SUSD1: variants seen among roughly 807,000 people sequenced by gnomAD.
SUSD1 encodes sushi domain containing 1, also known as sushi domain-containing protein 1.
A neutral mutation model predicts 86.9 loss-of-function variants in SUSD1; 65 were observed. That is an observed-to-expected ratio of 0.75 (90% CI 0.61 to 0.92). The LOEUF is 0.92. Ranked by LOEUF, SUSD1 falls within the 40% of genes least tolerant of loss-of-function variation. The pLI is 0.00. For missense variants in SUSD1, 850 were observed against 929.7 expected (o/e 0.91, Z 1.11); for synonymous variants, 346 against 350.0 (o/e 0.99, Z 0.13).
intron 10 of SUSD1, among the ~76,000 whole-genome samples, chr9:112,080,376 G>A (rs1326658457): frequency 6.6e-6 from 1 of 152,018 alleles, no homozygotes; most frequent in Non-Finnish European, 1.5e-5. Context: ...ATACCTAATC[G>A]GAGGACCCCT....
intron 5 of SUSD1, among the ~76,000 whole-genome samples, chr9:112,124,794 C>A (rs1266851373): frequency 6.6e-6 from 1 of 152,128 alleles, no homozygotes; most frequent in Non-Finnish European, 1.5e-5. Context: ...TTATTGCCAA[C>A]TGACTGTTAA....
At chr9:112,170,572 A>C (rs1365217229) in intron 1 of SUSD1, among the ~76,000 whole-genome samples, 1 of 152,006 alleles carries the variant, frequency 6.6e-6, no homozygotes, top group East Asian at 1.9e-4. Flanking sequence ...CACTCAGGTC[A>C]TCTGACTTCA....
intron 1 of SUSD1, among the ~76,000 whole-genome samples, chr9:112,161,071 T>C (rs998480088): frequency 1.3e-5 from 2 of 152,158 alleles, no homozygotes; most frequent in Non-Finnish European, 2.9e-5. Flanking sequence ...GATCAGTACA[T>C]TGTCAATTCA....
intron 12 of SUSD1, among the ~76,000 whole-genome samples, chr9:112,072,641 G>C (rs1031498190): frequency 2.0e-5 from 3 of 152,172 alleles, no homozygotes; most frequent in Non-Finnish European, 4.4e-5. Context: ...GAGGGTCTGG[G>C]AGACACCCAT....
At chr9:112,109,973 A>G (rs1021325203) in intron 8 of SUSD1, among the ~76,000 whole-genome samples, 2 of 152,210 alleles carry the variant, frequency 1.3e-5, no homozygotes, top group African/African-American at 4.8e-5. Flanking sequence ...CTGCTGAACT[A>G]TTCCCAGCTA....
In SUSD1 at chr9:112,111,850, G is replaced by A. The variant is rs375861501; in HGVS notation, c.985-10C>T. On this transcript the variant is annotated splice_polypyrimidine_tract_variant and intron_variant, in intron 7 of 16. Coordinates refer to ENST00000374270, the MANE Select transcript of SUSD1 (RefSeq NM_022486.5). ...GTCCTTTTATGGATATCTTTGAGAG[G>A]AAAAGACAAGAGAACCCACTCTGAC... 1.9e-6 allele frequency: 3 copies of A among 1,612,754 alleles called. No individual in the cohort carries two copies. The South Asian group carries it at 3.3e-5, about 18-fold the overall frequency.
chr9:112,141,419 G>A (rs754622698), intron 5 of SUSD1, among the ~76,000 whole-genome samples: 1 of 152,168 alleles, frequency 6.6e-6, no homozygotes, highest in Non-Finnish European at 1.5e-5. Flanking sequence ...GCTCACACCT[G>A]TAATCCCAGC....
At chr9:112,099,412 G>C (rs1016417310) in intron 9 of SUSD1, among the ~76,000 whole-genome samples, 23 of 151,874 alleles carry the variant, frequency 1.5e-4, no homozygotes, top group Non-Finnish European at 3.4e-4. Context: ...ACTTAAACTA[G>C]GTGGGTTCCT....
rs59022005 is a variant in SUSD1 at position 112,134,946 on chromosome 9, A to T, written c.706+7374T>A. Among the ~76,000 whole-genome samples the T allele has an allele frequency of 3.1e-3, 465 of 152,006 alleles. 11 individuals carry two copies. In the East Asian group the frequency reaches 0.066, roughly 22 times the overall value. ...GCCAGGTGTGAGGCAGGCGCCTGTA[A>T]TCCCAGCTACTCGGGAGGCTGAGGC... On this transcript the variant is annotated intron_variant, in intron 5 of 16. Transcript: ENST00000374270.
At chr9:112,110,727 A>G (rs1284523299) in intron 8 of SUSD1, among the ~76,000 whole-genome samples, 1 of 151,036 alleles carries the variant, frequency 6.6e-6, no homozygotes, top group Non-Finnish European at 1.5e-5. Flanking sequence ...CATACCCATA[A>G]CCAGAGCTTT....
intron 14 of SUSD1, among the ~76,000 whole-genome samples, chr9:112,056,558 G>A (rs207470496): frequency 3.9e-5 from 6 of 152,108 alleles, no homozygotes; most frequent in South Asian, 2.1e-4. Context: ...GAAAGTCATC[G>A]CAATTTAAAT....
intron 13 of SUSD1, among the ~76,000 whole-genome samples, chr9:112,059,535 T>C (rs186993904): frequency 5.7e-4 from 87 of 152,226 alleles, no homozygotes; most frequent in Non-Finnish European, 1.2e-3. Flanking sequence ...CCAAAGTTCA[T>C]GTGAAATAAA....
chr9:112,077,038 G>C (rs1829547170), intron 12 of SUSD1, among the ~76,000 whole-genome samples: 1 of 152,206 alleles, frequency 6.6e-6, no homozygotes, highest in African/African-American at 2.4e-5. Flanking sequence ...AGTTTTTATA[G>C]AAAGGGGCAG....
At chr9:112,091,531 T>A (rs1830205213) in intron 10 of SUSD1, among the ~76,000 whole-genome samples, 1 of 152,238 alleles carries the variant, frequency 6.6e-6, no homozygotes, top group African/African-American at 2.4e-5. Flanking sequence ...TCTAAATGCA[T>A]GCAATCTTCT....
Position 112,098,664 on chromosome 9 carries a change from T to A in SUSD1, c.1282-2A>T, listed in dbSNP as rs1830500873. ...CCACCTCTGACCCAGAACGGTAAAC[T>A]GTCATGAGATTAAAAGAAAGTGTTA... On this transcript the variant is annotated splice_acceptor_variant, in intron 9 of 16. Coordinates refer to ENST00000374270, the MANE Select transcript of SUSD1 (RefSeq NM_022486.5). LOFTEE classifies it high-confidence loss of function. 1.9e-6 allele frequency: 3 copies of A among 1,614,042 alleles called. No individual in the cohort carries two copies. Among genetic ancestry groups the A allele is most frequent in the Non-Finnish European group, 2.5e-6 (3 of 1,179,892 alleles).
chr9:112,082,303 G>A (rs12335543), intron 10 of SUSD1, among the ~76,000 whole-genome samples: 18,413 of 151,978 alleles, frequency 0.12, 1,225 homozygotes, highest in Non-Finnish European at 0.15. Flanking sequence ...ACCCCCACCC[G>A]CCACCAGCAT....
chr9:112,086,563 AGAG>A (rs557918194), intron 10 of SUSD1, among the ~76,000 whole-genome samples: 1 of 124,834 alleles, frequency 8.0e-6, no homozygotes. Flanking sequence ...AGAAAGAAAG[AGAG>A]AGAGAGAGAG....
intron 10 of SUSD1, among the ~76,000 whole-genome samples, chr9:112,088,788 A>AAAAC (rs71382405): frequency 0.31 from 47,462 of 150,904 alleles, 7,674 homozygotes; most frequent in African/African-American, 0.36. Flanking sequence ...CACATCTCAA[A>AAAAC]AAACAAACAA....
chr9:112,072,782 G>C (rs571528828), intron 12 of SUSD1, among the ~76,000 whole-genome samples: 2 of 152,236 alleles, frequency 1.3e-5, no homozygotes, highest in South Asian at 4.1e-4. Context: ...CTCCTAGCGT[G>C]ACCTAATGTT....
Sources: allele counts gnomAD v4.1 joint callset (sites outside exome capture counted in the v4.1 genomes callset), GRCh38; gene constraint gnomAD v4.1.1; transcripts MANE v1.5; gene names NCBI Gene and HGNC (gene_info 2026-07-23, HGNC 2026-07-21).